ZDHHC3: variants seen among roughly 807,000 people sequenced by gnomAD.
ZDHHC3 encodes the protein palmitoyltransferase ZDHHC3.
Under a neutral mutation model 30.6 loss-of-function variants are expected in ZDHHC3, and 9 were observed. That is an observed-to-expected ratio of 0.29 (90% CI 0.18 to 0.51). The LOEUF is 0.51. Among genes scored for constraint, ZDHHC3 ranks in the 20% least tolerant of loss-of-function variants. The pLI, the probability that ZDHHC3 is intolerant of heterozygous loss-of-function variation, is 0.97. For synonymous variants in ZDHHC3, 136 were observed against 140.2 expected, an observed-to-expected ratio of 0.97 and a Z score of 0.21; for missense variants, 246 against 384.2, an observed-to-expected ratio of 0.64 and a Z score of 3.01.
In ZDHHC3 at chr3:44,918,844, T is replaced by G; in HGVS notation, c.*7845A>C. 1.0e-6 allele frequency: 1 copy of G among 987,138 alleles called. No homozygotes were observed. Among genetic ancestry groups the G allele is most frequent in the African/African-American group, 1.7e-5 (1 of 57,340 alleles). The allele number at this position is 987,138 out of a possible 1,614,324, so 61.1% of individuals were successfully genotyped here. ...AGCCACCAGGCCACAGAAAGGGTGT[T>G]GGGGTGGGGAGATGCCCAGAGGAGG... On this transcript the variant is annotated 3_prime_UTR_variant, in exon 7 of 7. Coordinates refer to ENST00000424952, the MANE Select transcript of ZDHHC3 (RefSeq NM_001135179.2).
chr3:44,918,881 C>T lies in ZDHHC3; in HGVS notation c.*7808G>A, dbSNP rs1700397804. 1.0e-6 allele frequency: 1 copy of T among 986,210 alleles called. No homozygotes were observed. 61.1% of individuals were successfully genotyped at this position (986,210 alleles called of 1,614,324 possible). Reference sequence around the variant, plus strand: ...ATGCCCAGAGGAGGTAAAGACATGGCCAGGCCAGCTCTCCAGGCCCACAAC... The same window carrying T: ...ATGCCCAGAGGAGGTAAAGACATGGTCAGGCCAGCTCTCCAGGCCCACAAC... On this transcript the variant is annotated 3_prime_UTR_variant, in exon 7 of 7. Coordinates refer to ENST00000424952, the MANE Select transcript of ZDHHC3 (RefSeq NM_001135179.2).
chr3:44,929,468 C>T, intron 5 of ZDHHC3, 32 bp from the exon 6 acceptor site: 1 of 1,610,568 alleles, frequency 6.2e-7, no homozygotes, highest in Non-Finnish European at 8.5e-7. Context: ...GGGATTGGTA[C>T]TGTCACCCAC....
chr3:44,943,336 T>G (rs1702609333), intron 3 of ZDHHC3, among the ~76,000 whole-genome samples: 1 of 152,096 alleles, frequency 6.6e-6, no homozygotes, highest in African/African-American at 2.4e-5. Flanking sequence ...GAACCTTAAT[T>G]TCTTTATCTA....
chr3:44,917,715 C>T lies in ZDHHC3; in HGVS notation c.*8974G>A, dbSNP rs902694812. On this transcript the variant is annotated 3_prime_UTR_variant, in exon 7 of 7. Coordinates refer to ENST00000424952, the MANE Select transcript of ZDHHC3 (RefSeq NM_001135179.2). The stretch of plus-strand genomic sequence containing the variant: ...TCTGATGTCCCCAGCCTACTCCCGA[C>T]CCCCAGACCTGGCCCAACATGGAGA... 3.1e-5 allele frequency: 20 copies of T among 638,002 alleles called. No homozygotes were observed. The highest frequency in any genetic ancestry group is 4.6e-5 in the Non-Finnish European group (20 of 436,024). The allele number at this position is 638,002 out of a possible 1,614,324, so 39.5% of individuals were successfully genotyped here. A position where few individuals can be genotyped will look rare whatever the true frequency, so the allele number is the denominator to read the frequency against.
intron 1 of ZDHHC3, among the ~76,000 whole-genome samples, chr3:44,966,338 G>A (rs1422351928): frequency 6.6e-6 from 1 of 152,132 alleles, no homozygotes; most frequent in African/African-American, 2.4e-5. Context: ...CTGCTGTTGA[G>A]GGCTGGTCTG....
rs902663205 is a variant in ZDHHC3, at chr3:44,921,282, A to T, written c.*5407T>A. 2.0e-6 allele frequency: 2 copies of T among 985,418 alleles called. No homozygotes were observed. Among genetic ancestry groups the T allele is most frequent in the African/African-American group, 3.5e-5 (2 of 57,344 alleles). The allele number at this position is 985,418 out of a possible 1,614,324, so 61.0% of individuals were successfully genotyped here. ...CAGCTGAGCCCCACAGAACGAGAAC[A>T]GGCTGTTCCCTGCTCCCTGTATCAT... On this transcript the variant is annotated 3_prime_UTR_variant, in exon 7 of 7. Coordinates refer to ENST00000424952, the MANE Select transcript of ZDHHC3 (RefSeq NM_001135179.2).
chr3:44,975,766 TCTCTCTCACACACACACA>T (rs1267518605), intron 1 of ZDHHC3, among the ~76,000 whole-genome samples, 149 bp downstream of exon 1: 2 of 144,432 alleles, frequency 1.4e-5, no homozygotes, highest in African/African-American at 5.5e-5. Context: ...TCTCTCTCTC[TCTCTCTCACACACACACA>T]CACACACACA....
chr3:44,926,078 C>A lies in ZDHHC3; in HGVS notation c.*611G>T, dbSNP rs1290917759. Reference sequence around the variant, plus strand: ...CACTCCCCCGCAAAATCATTCTACACACCCCAAGCCCATAAAGTACAAGGC... The same window carrying A: ...CACTCCCCCGCAAAATCATTCTACAAACCCCAAGCCCATAAAGTACAAGGC... On this transcript the variant is annotated 3_prime_UTR_variant, in exon 7 of 7. Coordinates refer to ENST00000424952, the MANE Select transcript of ZDHHC3 (RefSeq NM_001135179.2). 1 of 985,776 alleles carries A rather than the reference C, an allele frequency of 1.0e-6. No homozygotes were observed. The highest frequency in any genetic ancestry group is 1.2e-6 in the Non-Finnish European group (1 of 829,964). 61.1% of individuals were successfully genotyped at this position (985,776 alleles called of 1,614,324 possible).
chr3:44,939,272 C>A (rs1702236045), intron 3 of ZDHHC3, among the ~76,000 whole-genome samples: 1 of 152,250 alleles, frequency 6.6e-6, no homozygotes, highest in Non-Finnish European at 1.5e-5. Context: ...TCTGTTACCA[C>A]TTTTAAAAAT....
In ZDHHC3 at chr3:44,920,148, G is replaced by T. The variant is rs1410968206; in HGVS notation, c.*6541C>A. 1 of 1,265,352 alleles carries T rather than the reference G, an allele frequency of 7.9e-7. No individual in the cohort carries two copies. Among genetic ancestry groups the T allele is most frequent in the African/African-American group, 1.5e-5 (1 of 65,206 alleles). The allele number at this position is 1,265,352 out of a possible 1,614,324, so 78.4% of individuals were successfully genotyped here. On this transcript the variant is annotated 3_prime_UTR_variant, in exon 7 of 7. Transcript: ENST00000424952. The stretch of plus-strand genomic sequence containing the variant: ...TACTTTTATAATCAGAACAAAAATA[G>T]TTGTTTCAGAAAATGGATCTTGTTG...
In ZDHHC3 at chr3:44,958,816, T is replaced by C. The variant is rs565779501; in HGVS notation, c.306+315A>G. 114 of 863,862 alleles carry C rather than the reference T, an allele frequency of 1.3e-4. 1 individual carries two copies. The South Asian group carries it at 1.5e-3, about 11-fold the overall frequency. The allele number at this position is 863,862 out of a possible 1,614,324, so 53.5% of individuals were successfully genotyped here. A position where few individuals can be genotyped will look rare whatever the true frequency, so the allele number is the denominator to read the frequency against. ...CATCTGGCCCCAGTCTTCAAGGTTA[T>C]CTGTGTCTTTTTAACCAGAGGCCAG... On this transcript the variant is annotated intron_variant, in intron 2 of 6. Transcript: ENST00000424952.
In ZDHHC3 at chr3:44,920,379, G is replaced by T. The variant is rs1195559832; in HGVS notation, c.*6310C>A. The T allele has an allele frequency of 7.8e-7, 1 of 1,288,948 alleles. No homozygotes were observed. The highest frequency in any genetic ancestry group is 1.0e-6 in the Non-Finnish European group (1 of 988,176). The allele number at this position is 1,288,948 out of a possible 1,614,324, so 79.8% of individuals were successfully genotyped here. On this transcript the variant is annotated 3_prime_UTR_variant, in exon 7 of 7. Coordinates refer to ENST00000424952, the MANE Select transcript of ZDHHC3 (RefSeq NM_001135179.2). ...TTTAACTTCATAGCACGAGAGCTGG[G>T]ACATCACCATATGGCAGACCCGGCT...
At chr3:44,945,520 ATTTCT>A (rs1340946263) in intron 2 of ZDHHC3, among the ~76,000 whole-genome samples, 1 of 151,864 alleles carries the variant, frequency 6.6e-6, no homozygotes, top group African/African-American at 2.4e-5. Context: ...TAATTCTTTG[ATTTCT>A]TTTCTTTTCT....
Position 44,959,217 on chromosome 3 carries a change from C to T in ZDHHC3, c.220G>A (p.Val74Met), listed in dbSNP as rs148007027. The T allele has an allele frequency of 1.9e-5, 30 of 1,614,104 alleles. No homozygotes were observed. The highest frequency in any genetic ancestry group is 5.0e-5 in the Admixed American group (3 of 60,014). The change falls in exon 2 of 7, where the codon GTG (valine) becomes ATG (methionine). Residue 74 changes from valine (V) to methionine (M), a missense_variant. Physicochemically the swap from Val to Met is conservative, Grantham distance 21. Coordinates refer to ENST00000424952, the MANE Select transcript of ZDHHC3 (RefSeq NM_001135179.2). This position sits in a 1 kb window ranked among gnomAD's most constrained non-coding sequence, Gnocchi z 4.3. ...ACAATTCCGTTGATGATGCTATACACGTAGTCTCGAGATGGAATCAGCATG... is the reference window on the plus strand; with the variant it reads ...ACAATTCCGTTGATGATGCTATACATGTAGTCTCGAGATGGAATCAGCATG... ...FVMLIPSRDY[V>M]YSIINGIVFN...
At chr3:44,957,724 A>G (rs1464482269) in intron 2 of ZDHHC3, among the ~76,000 whole-genome samples, 1 of 152,064 alleles carries the variant, frequency 6.6e-6, no homozygotes. Flanking sequence ...AGTCACCTCT[A>G]TATGTTGATT....
rs78191219 is a variant in ZDHHC3, at chr3:44,964,766, T to C, written c.-24-5306A>G. 9.8e-5 allele frequency among the ~76,000 whole-genome samples: 15 copies of C among 152,360 alleles called. No homozygotes were observed. The East Asian group carries it at 2.7e-3, about 27-fold the overall frequency. ...GTTTTCTGTTCCTCTAAGTGGCTAA[T>C]AGTTTTCCAAGGAAGATCTAGAACA... On this transcript the variant is annotated intron_variant, in intron 1 of 6. Transcript: ENST00000424952.
chr3:44,926,572 A>G lies in ZDHHC3; in HGVS notation c.*117T>C. The stretch of plus-strand genomic sequence containing the variant: ...GCTCAGCCATTTTACTTGAGACATA[A>G]AAAAAGTTTTAAGAGTAGTTGTTTT... On this transcript the variant is annotated 3_prime_UTR_variant, in exon 7 of 7. Coordinates refer to ENST00000424952, the MANE Select transcript of ZDHHC3 (RefSeq NM_001135179.2). The G allele has an allele frequency of 7.9e-7, 1 of 1,271,696 alleles. No homozygotes were observed. Among genetic ancestry groups the G allele is most frequent in the Non-Finnish European group, 1.0e-6 (1 of 1,002,320 alleles). 78.8% of individuals were successfully genotyped at this position (1,271,696 alleles called of 1,614,324 possible).
Position 44,918,283 on chromosome 3 carries a change from G to T in ZDHHC3, c.*8406C>A. ...GCATGGGTAAGATGGGGTCTGAGTGGGCAGTCTGTTGTGGCCCAGGTCACC... is the reference window on the plus strand; with the variant it reads ...GCATGGGTAAGATGGGGTCTGAGTGTGCAGTCTGTTGTGGCCCAGGTCACC... On this transcript the variant is annotated 3_prime_UTR_variant, in exon 7 of 7. Coordinates refer to ENST00000424952, the MANE Select transcript of ZDHHC3 (RefSeq NM_001135179.2). The T allele has an allele frequency of 8.3e-7, 1 of 1,198,260 alleles. No individual in the cohort carries two copies. The highest frequency in any genetic ancestry group is 1.1e-6 in the Non-Finnish European group (1 of 944,204). The allele number at this position is 1,198,260 out of a possible 1,614,324, so 74.2% of individuals were successfully genotyped here.
chr3:44,956,678 A>C (rs994456569), intron 2 of ZDHHC3, among the ~76,000 whole-genome samples: 5 of 152,156 alleles, frequency 3.3e-5, no homozygotes, highest in African/African-American at 1.2e-4. Flanking sequence ...ACAGACTCCA[A>C]ATCCAACAGC....
Sources: gnomAD v4.1 joint callset for allele counts (sites outside exome capture counted in the v4.1 genomes callset) on GRCh38, gnomAD v4.1.1 for gene constraint, Gnocchi (gnomAD v3.1) non-coding constraint, MANE v1.5 for transcripts, NCBI Gene and HGNC (gene_info 2026-07-23, HGNC 2026-07-21) for gene names.